Variants in DOCK5 observed in about 807,000 individuals in gnomAD.
The protein encoded by DOCK5 is dedicator of cytokinesis 5.
Under a neutral mutation model 251.8 loss-of-function variants are expected in DOCK5, and 142 were observed. The observed-to-expected ratio is 0.56, with a 90% CI of 0.49 to 0.65. The LOEUF is 0.65. Among genes scored for constraint, DOCK5 ranks in the 30% least tolerant of loss-of-function variants. The pLI, the probability that DOCK5 is intolerant of heterozygous loss-of-function variation, is 0.00. For missense variants in DOCK5, 2,111 were observed against 2,312.3 expected (o/e 0.91, Z 1.79); for synonymous variants, 842 against 835.5 (o/e 1.01, Z -0.13).
At chr8:25,249,714 G>C (rs1435185790) in intron 2 of DOCK5, among the ~76,000 whole-genome samples, 1 of 152,190 alleles carries the variant, frequency 6.6e-6, no homozygotes, top group Non-Finnish European at 1.5e-5. Context: ...AGCCTCCCAG[G>C]TAGCTGGGAC....
At chr8:25,401,734 AAAACAAAC>A (rs549307669) in intron 47 of DOCK5, among the ~76,000 whole-genome samples, 1 of 152,134 alleles carries the variant, frequency 6.6e-6, no homozygotes, top group African/African-American at 2.4e-5. Context: ...ACTCTATCTC[AAAACAAAC>A]AAACAAACAA....
chr8:25,345,453 C>T (rs535821767), intron 25 of DOCK5, 22 bp from the exon 26 acceptor site: 5 of 1,612,236 alleles, frequency 3.1e-6, no homozygotes, highest in Non-Finnish European at 4.2e-6. Flanking sequence ...TGTGTGTGAG[C>T]TGTCTGTGTT....
chr8:25,276,227 T>A (rs1438510459), intron 4 of DOCK5, among the ~76,000 whole-genome samples: 1 of 152,038 alleles, frequency 6.6e-6, no homozygotes, highest in East Asian at 1.9e-4. Flanking sequence ...GGATCCTGGG[T>A]TTTTCACAGC....
At chr8:25,279,750 G>T (rs1013131718) in intron 5 of DOCK5, among the ~76,000 whole-genome samples, 2 of 151,830 alleles carry the variant, frequency 1.3e-5, no homozygotes, top group African/African-American at 4.8e-5. Flanking sequence ...AAGTAGCTGG[G>T]ACTATAGGCG....
intron 48 of DOCK5, among the ~76,000 whole-genome samples, chr8:25,406,148 T>C (rs1489171617): frequency 6.6e-6 from 1 of 152,172 alleles, no homozygotes; most frequent in Non-Finnish European, 1.5e-5. Flanking sequence ...TTAGTAGAGA[T>C]GGGGTTTCAC....
intron 34 of DOCK5, 135 bp downstream of exon 34, chr8:25,369,776 AT>A (rs1800841674): frequency 1.5e-6 from 1 of 674,994 alleles, no homozygotes; most frequent in African/African-American, 1.8e-5. Flanking sequence ...GGTCTTCAGT[AT>A]GGTTATGGGG....
At chr8:25,207,323 T>C (rs1455569340) in intron 1 of DOCK5, among the ~76,000 whole-genome samples, 1 of 152,180 alleles carries the variant, frequency 6.6e-6, no homozygotes, top group Non-Finnish European at 1.5e-5. Context: ...AGTGAAGATA[T>C]TGATGAAAGT....
At chr8:25,382,924 C>G (rs576917475) in intron 40 of DOCK5, 146 bp downstream of exon 40, 2 of 636,322 alleles carry the variant, frequency 3.1e-6, no homozygotes, top group African/African-American at 3.7e-5. Flanking sequence ...CCTGAGCAGC[C>G]GGCCTCTTCA....
At chr8:25,369,692 G>A in intron 34 of DOCK5, 51 bp downstream of exon 34, 2 of 1,501,550 alleles carry the variant, frequency 1.3e-6, no homozygotes, top group Non-Finnish European at 9.1e-7. Context: ...TTTAGTAATA[G>A]AGAAAAACAG....
At chr8:25,311,292 T>TCC in intron 13 of DOCK5, among the ~76,000 whole-genome samples, 2 of 151,344 alleles carry the variant, frequency 1.3e-5, no homozygotes, top group Admixed American at 6.6e-5. Context: ...GCCTGTAAAA[T>TCC]CAGCACTTTG....
intron 18 of DOCK5, among the ~76,000 whole-genome samples, chr8:25,329,644 C>T (rs1342406442): frequency 6.6e-6 from 1 of 151,986 alleles, no homozygotes; most frequent in Non-Finnish European, 1.5e-5. Context: ...TCCTGATGCC[C>T]CAGAAATCCC....
chr8:25,414,205 T>A lies in DOCK5; in HGVS notation c.*2907T>A, dbSNP rs577731699. On this transcript the variant is annotated 3_prime_UTR_variant, in exon 52 of 52. Transcript: ENST00000276440. ...TTATTCAACATATATCAAGTTCTTA[T>A]GGAATGCCAGTCATGGTACTAGCCC... 1 of 152,208 alleles carries A rather than the reference T, an allele frequency of 6.6e-6. No homozygotes were observed. Among genetic ancestry groups the A allele is most frequent in the African/African-American group, 2.4e-5 (1 of 41,444 alleles). The allele number at this position is 152,208 out of a possible 1,614,324, so 9.4% of individuals were successfully genotyped here. A position where few individuals can be genotyped will look rare whatever the true frequency, so the allele number is the denominator to read the frequency against.
At chr8:25,388,099 A>G (rs942938745) in intron 40 of DOCK5, among the ~76,000 whole-genome samples, 1 of 152,126 alleles carries the variant, frequency 6.6e-6, no homozygotes, top group Non-Finnish European at 1.5e-5. Context: ...GGAAAGTGTA[A>G]TTGCCCTCAC....
intron 40 of DOCK5, among the ~76,000 whole-genome samples, chr8:25,384,465 T>A (rs35105502): frequency 0.073 from 6,989 of 96,378 alleles, 236 homozygotes; most frequent in South Asian, 0.14. Flanking sequence ...ATTTATTTAT[T>A]TTTTTTTTTT....
At chr8:25,408,710 A>G in intron 49 of DOCK5, 92 bp from the exon 50 acceptor site, 2 of 1,478,220 alleles carry the variant, frequency 1.4e-6, no homozygotes, top group Non-Finnish European at 1.9e-6. Flanking sequence ...TCCTTTTCCA[A>G]GTGTCTTCTC....
chr8:25,294,561 G>A (rs772514405), intron 6 of DOCK5, among the ~76,000 whole-genome samples: 1 of 152,038 alleles, frequency 6.6e-6, no homozygotes, highest in Non-Finnish European at 1.5e-5. Context: ...TTGAGGGGAG[G>A]GATTGCACCC....
intron 2 of DOCK5, among the ~76,000 whole-genome samples, chr8:25,250,313 G>A (rs1411506116): frequency 6.6e-6 from 1 of 152,186 alleles, no homozygotes; most frequent in African/African-American, 2.4e-5. Context: ...CTGCTCATCC[G>A]TTACAGGTCT....
At chr8:25,331,801 TAGAGAG>T (rs59239520) in intron 18 of DOCK5, among the ~76,000 whole-genome samples, 1,366 of 118,412 alleles carry the variant, frequency 0.012, 19 homozygotes, top group East Asian at 0.047. Context: ...TATATATATA[TAGAGAG>T]AGAGAGAGAG....
chr8:25,368,146 C>T (rs1223793528), intron 31 of DOCK5, 46 bp from the exon 32 acceptor site: 1 of 1,456,250 alleles, frequency 6.9e-7, no homozygotes, highest in African/African-American at 1.4e-5. Context: ...TTATGCAATT[C>T]ATTTCTACTG....
Sources: gnomAD v4.1 joint callset for allele counts (sites outside exome capture counted in the v4.1 genomes callset) on GRCh38, gnomAD v4.1.1 for gene constraint, MANE v1.5 for transcripts, NCBI Gene and HGNC (gene_info 2026-07-23, HGNC 2026-07-21) for gene names.